The following PDGFD variants were observed in gnomAD, a reference collection of about 807,000 sequenced individuals.
PDGFD encodes platelet-derived growth factor D.
Under a neutral mutation model 44.7 loss-of-function variants are expected in PDGFD, and 30 were observed. That is an observed-to-expected ratio of 0.67 (90% confidence interval 0.50 to 0.91). The LOEUF (loss-of-function observed/expected upper bound fraction) is 0.91. PDGFD is among the 40% of genes least tolerant of loss of function. The pLI, the probability that PDGFD is intolerant of heterozygous loss-of-function variation, is 0.00. For missense variants in PDGFD, 445 were observed against 457.8 expected (o/e 0.97, Z 0.25); for synonymous variants, 173 against 168.4 (o/e 1.03, Z -0.21).
intron 3 of PDGFD, among the ~76,000 whole-genome samples, chr11:103,962,915 T>C (rs1806270635): frequency 6.6e-6 from 1 of 152,134 alleles, no homozygotes; most frequent in Admixed American, 6.6e-5. Flanking sequence ...GATGGCTATA[T>C]TAATACCTCC....
intron 1 of PDGFD, among the ~76,000 whole-genome samples, chr11:104,082,241 G>C (rs1861056642): frequency 6.6e-6 from 1 of 150,704 alleles, no homozygotes; most frequent in East Asian, 2.0e-4. Flanking sequence ...AAGTTGCTTA[G>C]GTGTATATTT....
chr11:104,006,517 A>T (rs550926382), intron 1 of PDGFD, among the ~76,000 whole-genome samples: 37 of 152,308 alleles, frequency 2.4e-4, no homozygotes, highest in African/African-American at 8.7e-4. Context: ...AAGCCTGGAA[A>T]TCCACAGCCC....
At chr11:104,063,407 G>A (rs1195518754) in intron 1 of PDGFD, among the ~76,000 whole-genome samples, 3 of 151,598 alleles carry the variant, frequency 2.0e-5, no homozygotes, top group African/African-American at 7.3e-5. Context: ...GCAATAATTA[G>A]GTTATCCTGG....
intron 3 of PDGFD, among the ~76,000 whole-genome samples, chr11:103,953,192 CATACAAAATGTATAT>C (rs1858784483): frequency 1.3e-5 from 2 of 151,860 alleles, no homozygotes; most frequent in Admixed American, 1.3e-4. Context: ...AAAATGTATA[CATACAAAATGTATAT>C]ATACAAAATG....
At chr11:103,913,832 A>T (rs943891517) in intron 6 of PDGFD, among the ~76,000 whole-genome samples, 1 of 152,274 alleles carries the variant, frequency 6.6e-6, no homozygotes, top group Non-Finnish European at 1.5e-5. Flanking sequence ...CACCGATCCC[A>T]CAGAAATACA....
rs564831517 is a variant in PDGFD, at chr11:104,152,147, G to C, written c.124+11657C>G. On this transcript the variant is annotated intron_variant, in intron 1 of 6. Transcript: ENST00000393158. ...AAGTGGTTATGTTTTTTGTAGTTGG[G>C]TTTGGTGAAAAGTAGTAAACTAAAG... is the stretch of plus-strand genomic sequence containing the variant. 6.6e-5 allele frequency among the ~76,000 whole-genome samples: 10 copies of C among 152,234 alleles called. 1 individual carries two copies. The South Asian group carries it at 2.1e-3, about 32-fold the overall frequency.
intron 1 of PDGFD, among the ~76,000 whole-genome samples, chr11:104,081,131 T>A (rs990413396): frequency 7.2e-5 from 11 of 152,246 alleles, no homozygotes; most frequent in Non-Finnish European, 1.2e-4. Flanking sequence ...TGTTTTTTTT[T>A]AACTTCTTTC....
At position 104,098,659 on chromosome 11, in the gene PDGFD, C is replaced by T. The variant is rs1303369193; in HGVS notation, c.124+65145G>A. ...GAGTAGCTTGGACCACAGGTATGTG[C>T]TGCCATGCCCAGCTAATTTTTAATT... On this transcript the variant is annotated intron_variant, in intron 1 of 6. Transcript: ENST00000393158. 2.6e-5 allele frequency among the ~76,000 whole-genome samples: 4 copies of T among 152,070 alleles called. No individual in the cohort carries two copies. The South Asian group carries it at 6.2e-4, about 24-fold the overall frequency.
At chr11:104,098,047 A>G (rs1458350151) in intron 1 of PDGFD, among the ~76,000 whole-genome samples, 1 of 152,218 alleles carries the variant, frequency 6.6e-6, no homozygotes. Flanking sequence ...CCTCCGTGAA[A>G]TGCCACAACA....
At chr11:103,940,657 A>T (rs1048625494) in intron 5 of PDGFD, among the ~76,000 whole-genome samples, 1 of 152,166 alleles carries the variant, frequency 6.6e-6, no homozygotes, top group African/African-American at 2.4e-5. Context: ...ATTAAACCTG[A>T]CTTCCCTTGT....
At chr11:104,039,888 C>T (rs1380396270) in intron 1 of PDGFD, among the ~76,000 whole-genome samples, 1 of 152,034 alleles carries the variant, frequency 6.6e-6, no homozygotes, top group African/African-American at 2.4e-5. Flanking sequence ...GGGTGTCTGA[C>T]CCTTTAAAGT....
intron 6 of PDGFD, among the ~76,000 whole-genome samples, chr11:103,925,488 C>T (rs1014778407): frequency 6.6e-6 from 1 of 151,818 alleles, no homozygotes; most frequent in African/African-American, 2.4e-5. Flanking sequence ...CTCAGAGCAA[C>T]TCTGGAAGGG....
intron 1 of PDGFD, among the ~76,000 whole-genome samples, chr11:104,163,541 A>C (rs1591193963): frequency 1.3e-5 from 2 of 152,158 alleles, no homozygotes; most frequent in East Asian, 3.9e-4. Context: ...CTTGGACACC[A>C]AAATGACTTC....
intron 1 of PDGFD, among the ~76,000 whole-genome samples, chr11:104,036,108 C>G (rs1261322867): frequency 6.6e-6 from 1 of 152,088 alleles, no homozygotes; most frequent in Non-Finnish European, 1.5e-5. Flanking sequence ...GAATACAACT[C>G]TAAAATGAAC....
chr11:104,093,320 G>GCACA (rs959404321), intron 1 of PDGFD, among the ~76,000 whole-genome samples: 1 of 151,538 alleles, frequency 6.6e-6, no homozygotes, highest in African/African-American at 2.4e-5. Flanking sequence ...ACACACACAC[G>GCACA]CACACACATA....
intron 1 of PDGFD, among the ~76,000 whole-genome samples, chr11:104,093,351 T>C (rs926511466): frequency 3.0e-4 from 45 of 151,950 alleles, no homozygotes; most frequent in African/African-American, 1.1e-3. Flanking sequence ...ATCACACCAA[T>C]TGAGTGCTCT....
chr11:104,067,369 G>A (rs1860803988), intron 1 of PDGFD, among the ~76,000 whole-genome samples: 1 of 152,074 alleles, frequency 6.6e-6, no homozygotes, highest in Non-Finnish European at 1.5e-5. Flanking sequence ...GCATTAAACA[G>A]TTAAAAATAT....
chr11:104,140,644 A>G (rs1010472297), intron 1 of PDGFD, among the ~76,000 whole-genome samples: 4 of 152,004 alleles, frequency 2.6e-5, no homozygotes, highest in African/African-American at 9.7e-5. Flanking sequence ...GATCACTCCA[A>G]TGCCAAACTC....
intron 1 of PDGFD, among the ~76,000 whole-genome samples, chr11:104,003,514 G>C (rs1385882594): frequency 6.6e-6 from 1 of 152,250 alleles, no homozygotes; most frequent in Non-Finnish European, 1.5e-5. Flanking sequence ...GCAGGTGGCA[G>C]TGATGCCACT....
Sources: gnomAD v4.1 joint callset for allele counts (sites outside exome capture counted in the v4.1 genomes callset) on GRCh38, gnomAD v4.1.1 for gene constraint, MANE v1.5 for transcripts, NCBI Gene and HGNC (gene_info 2026-07-23, HGNC 2026-07-21) for gene names.